NRG1: variants seen among roughly 807,000 people sequenced by gnomAD.
NRG1 encodes pro-neuregulin-1, membrane-bound isoform.
In NRG1, 18 loss-of-function variants were observed where a neutral mutation model predicts 63.8. The observed-to-expected ratio is 0.28, with a 90% confidence interval of 0.19 to 0.42. The LOEUF (loss-of-function observed/expected upper bound fraction) is 0.42, where lower values mean the gene tolerates loss of function less well. NRG1 is among the 10% of genes least tolerant of loss of function. The probability of loss-of-function intolerance (pLI) is 1.00; values close to 1 mark genes in which losing one functional copy is unlikely to be tolerated. For synonymous variants in NRG1, 302 were observed against 301.3 expected, an observed-to-expected ratio of 1.00 and a Z score of -0.02; for missense variants, 762 against 814.7, an observed-to-expected ratio of 0.94 and a Z score of 0.79.
chr8:31,645,657 A>G (rs1037740884), intron 1 of NRG1, among the ~76,000 whole-genome samples: 1 of 152,172 alleles, frequency 6.6e-6, no homozygotes, highest in African/African-American at 2.4e-5. Flanking sequence ...CATATGTGGT[A>G]ATTTACATTA....
chr8:31,885,879 T>C (rs1345628811), intron 1 of NRG1, among the ~76,000 whole-genome samples: 1 of 152,118 alleles, frequency 6.6e-6, no homozygotes, highest in Non-Finnish European at 1.5e-5. Flanking sequence ...AATAGGGTTA[T>C]TAATATTACG....
At chr8:32,327,606 T>A (rs930718144) in intron 1 of NRG1, among the ~76,000 whole-genome samples, 3 of 152,212 alleles carry the variant, frequency 2.0e-5, no homozygotes, top group African/African-American at 7.2e-5. Context: ...TTAACTTGGA[T>A]AAAATAAGCA....
intron 1 of NRG1, among the ~76,000 whole-genome samples, chr8:31,737,076 A>G (rs1015550049): frequency 6.6e-6 from 1 of 152,156 alleles, no homozygotes; most frequent in Non-Finnish European, 1.5e-5. Flanking sequence ...TTCTTCTCAG[A>G]CTTCTAGGAA....
chr8:31,672,878 T>C (rs952118443), intron 1 of NRG1, among the ~76,000 whole-genome samples: 2 of 152,044 alleles, frequency 1.3e-5, no homozygotes, highest in African/African-American at 4.8e-5. Context: ...CTTTGAATAA[T>C]ATATTTCCAA....
chr8:32,145,410 A>G (rs1287849322), intron 1 of NRG1, among the ~76,000 whole-genome samples: 2 of 152,046 alleles, frequency 1.3e-5, no homozygotes, highest in African/African-American at 4.8e-5. Context: ...ATAAAGATAT[A>G]TTAGCACAAT....
At chr8:32,251,254 G>A (rs1353471407) in intron 1 of NRG1, among the ~76,000 whole-genome samples, 1 of 151,654 alleles carries the variant, frequency 6.6e-6, no homozygotes, top group African/African-American at 2.4e-5. Flanking sequence ...TCCCCTCCCT[G>A]TGTCCATGTG....
chr8:31,977,072 T>A (rs762008846), intron 1 of NRG1, among the ~76,000 whole-genome samples: 2 of 152,210 alleles, frequency 1.3e-5, no homozygotes, highest in Non-Finnish European at 2.9e-5. Flanking sequence ...CCTTTGTGCA[T>A]GAAGACAGTT....
At chr8:31,789,683 T>C (rs1270925309) in intron 1 of NRG1, among the ~76,000 whole-genome samples, 1 of 152,218 alleles carries the variant, frequency 6.6e-6, no homozygotes, top group East Asian at 1.9e-4. Flanking sequence ...TGACTGCTTA[T>C]GAAACCTCCC....
chr8:32,573,472 C>A (rs1032852853), intron 1 of NRG1, among the ~76,000 whole-genome samples: 3 of 152,110 alleles, frequency 2.0e-5, no homozygotes, highest in African/African-American at 7.2e-5. Context: ...TACTATTATC[C>A]CAATATCCTG....
chr8:32,323,294 G>C (rs1342637734), intron 1 of NRG1, among the ~76,000 whole-genome samples: 2 of 152,114 alleles, frequency 1.3e-5, no homozygotes, highest in Admixed American at 6.5e-5. Context: ...TCTTAGTTAT[G>C]TGCATTTTGG....
At chr8:32,089,214 G>A (rs1828738549) in intron 1 of NRG1, among the ~76,000 whole-genome samples, 1 of 152,202 alleles carries the variant, frequency 6.6e-6, no homozygotes. Flanking sequence ...CAACAGAACA[G>A]CTGCTGCAAA....
intron 1 of NRG1, among the ~76,000 whole-genome samples, chr8:32,162,758 A>G (rs1490850547): frequency 3.3e-5 from 5 of 152,088 alleles, no homozygotes; most frequent in Non-Finnish European, 5.9e-5. Context: ...AATTTGTGCT[A>G]TCTACTGCTG....
At position 31,894,546 on chromosome 8, in the gene NRG1, C is replaced by CTTT. The variant is rs370312165; in HGVS notation, c.37+255119_37+255121dup. On this transcript the variant is annotated intron_variant, in intron 1 of 10. Transcript: ENST00000519301. ...GTGAAATCATAATTGCTATTTCTTTCTTTTTTCTTTTTTTTTTTTTTTGAG... is the reference window on the plus strand; with the variant it reads ...GTGAAATCATAATTGCTATTTCTTTCTTTTTTTTTCTTTTTTTTTTTTTTTGAG... Among the ~76,000 whole-genome samples the CTTT allele has an allele frequency of 2.1e-3, 201 of 98,030 alleles. 7 individuals carry two copies. Among genetic ancestry groups the CTTT allele is most frequent in the African/African-American group, 4.2e-3 (126 of 30,114 alleles). The allele number at this position is 98,030 out of a possible 152,430, so 64.3% of individuals were successfully genotyped here.
At chr8:32,167,053 T>C (rs773142958) in intron 1 of NRG1, among the ~76,000 whole-genome samples, 1 of 152,224 alleles carries the variant, frequency 6.6e-6, no homozygotes, top group Non-Finnish European at 1.5e-5. Flanking sequence ...AAAAGTTGAC[T>C]TGAAGCTTTT....
chr8:32,705,132 ATT>A (rs751755810), intron 5 of NRG1, among the ~76,000 whole-genome samples: 11 of 139,932 alleles, frequency 7.9e-5, no homozygotes, highest in East Asian at 2.1e-4. Context: ...GTGACAATGA[ATT>A]TTTTTTTTTT....
intron 1 of NRG1, among the ~76,000 whole-genome samples, chr8:32,131,730 A>G (rs1344300967): frequency 1.3e-5 from 2 of 152,008 alleles, no homozygotes; most frequent in African/African-American, 4.8e-5. Context: ...TGGATATTGG[A>G]GGATTGTTGA....
chr8:32,067,361 C>T (rs1358311197), intron 1 of NRG1, among the ~76,000 whole-genome samples: 2 of 152,074 alleles, frequency 1.3e-5, no homozygotes, highest in African/African-American at 4.8e-5. Flanking sequence ...GAGGTACGTC[C>T]CATCAATACC....
chr8:32,105,685 A>G (rs903025210), intron 1 of NRG1, among the ~76,000 whole-genome samples: 1 of 152,186 alleles, frequency 6.6e-6, no homozygotes, highest in African/African-American at 2.4e-5. Context: ...AGTCAAGCCT[A>G]TCCTGTGGAT....
chr8:31,988,046 G>T (rs957181038), intron 1 of NRG1, among the ~76,000 whole-genome samples: 1 of 152,072 alleles, frequency 6.6e-6, no homozygotes, highest in African/African-American at 2.4e-5. Context: ...TGCCCCAAAG[G>T]ACACTAACTG....
Sources: allele counts gnomAD v4.1 joint callset (sites outside exome capture counted in the v4.1 genomes callset), GRCh38; gene constraint gnomAD v4.1.1; transcripts MANE v1.5; gene names NCBI Gene and HGNC (gene_info 2026-07-23, HGNC 2026-07-21).